GSE1: variants seen among roughly 807,000 people sequenced by gnomAD.
GSE1 encodes the protein genetic suppressor element 1.
GSE1 carries 32 observed loss-of-function variants against 112.6 expected under a neutral mutation model. The ratio of observed to expected loss-of-function variants is 0.28; its 90% CI spans 0.21 to 0.38. GSE1 has a LOEUF of 0.38. GSE1 is among the 10% of genes least tolerant of loss of function. GSE1 has a pLI of 1.00. For missense variants in GSE1, 2,348 were observed against 1,699.2 expected (o/e 1.38, Z -6.71); for synonymous variants, 1,115 against 735.6 (o/e 1.52, Z -8.35).
chr16:85,571,459 A>G (rs2045975823), intron 1 of GSE1, among the ~76,000 whole-genome samples: 1 of 152,258 alleles, frequency 6.6e-6, no homozygotes, highest in Non-Finnish European at 1.5e-5. Context: ...GATAGAGAGC[A>G]TTTCCATTGT....
At chr16:85,202,399 G>C (rs1017961877) in intron 1 of GSE1, among the ~76,000 whole-genome samples, 1 of 152,244 alleles carries the variant, frequency 6.6e-6, no homozygotes, top group Non-Finnish European at 1.5e-5. Context: ...TGGAACAAGC[G>C]GCCTGGCTTG....
intron 2 of GSE1, among the ~76,000 whole-genome samples, chr16:85,455,370 T>G (rs1390247788): frequency 2.7e-5 from 4 of 148,570 alleles, no homozygotes; most frequent in African/African-American, 1.0e-4. Flanking sequence ...GAGCAAGACC[T>G]GGCATTACAA....
intron 2 of GSE1, among the ~76,000 whole-genome samples, chr16:85,375,521 C>T (rs1387202414): frequency 3.3e-5 from 5 of 152,320 alleles, no homozygotes; most frequent in Middle Eastern, 6.8e-3. Flanking sequence ...GCAGGGCAGC[C>T]GGATGCCAAG....
chr16:85,598,302 C>G (rs1033404049), intron 1 of GSE1, among the ~76,000 whole-genome samples: 2 of 151,744 alleles, frequency 1.3e-5, no homozygotes, highest in African/African-American at 4.8e-5. Flanking sequence ...TTTGCCAGCA[C>G]CCAGCTGCGC....
Position 85,269,985 on chromosome 16 carries a change from G to C in GSE1, c.2284-87478G>C, listed in dbSNP as rs1418293081. On this transcript the variant is annotated intron_variant, in intron 1 of 2. Transcript: ENST00000637419. ...TTGCAGGTTTGAAGACTGAGGCTGA[G>C]AGAAGGTGAGTGATGTGCCTGAGGC... Among the ~76,000 whole-genome samples, 4 of 149,550 alleles carry C rather than the reference G, an allele frequency of 2.7e-5. 1 individual carries two copies. The highest frequency in any genetic ancestry group is 6.0e-5 in the Non-Finnish European group (4 of 66,374).
chr16:85,213,787 T>C (rs562764402), intron 1 of GSE1, among the ~76,000 whole-genome samples: 27 of 152,302 alleles, frequency 1.8e-4, no homozygotes, highest in African/African-American at 6.0e-4. Context: ...GTGAAGAACA[T>C]TGAAGGCCCC....
intron 1 of GSE1, among the ~76,000 whole-genome samples, chr16:85,202,793 C>G (rs1464889105): frequency 6.6e-6 from 1 of 152,224 alleles, no homozygotes; most frequent in East Asian, 1.9e-4. Context: ...TGCTGTGCTT[C>G]CAGGCCCAGC....
chr16:85,273,227 G>A (rs1182730046), intron 1 of GSE1, among the ~76,000 whole-genome samples: 1 of 152,268 alleles, frequency 6.6e-6, no homozygotes, highest in African/African-American at 2.4e-5. Context: ...GGTGGGGGAA[G>A]ATTGAAAACA....
At chr16:85,589,295 G>T (rs747714223) in intron 1 of GSE1, among the ~76,000 whole-genome samples, 2 of 152,196 alleles carry the variant, frequency 1.3e-5, no homozygotes, top group Non-Finnish European at 1.5e-5. Flanking sequence ...TTCTAGGTCG[G>T]GCAGGGCCCT....
chr16:85,293,657 C>T (rs1258342129), intron 1 of GSE1, among the ~76,000 whole-genome samples: 5 of 152,238 alleles, frequency 3.3e-5, no homozygotes, highest in African/African-American at 9.6e-5. Flanking sequence ...CGGCTTCCTT[C>T]TGCTGGAGCT....
Position 85,655,887 on chromosome 16 carries a change from C to T in GSE1, c.959C>T (p.Ser320Leu). The change falls in exon 6 of 16, where the codon TCG (serine) becomes TTG (leucine). Residue 320 changes from serine to leucine, a missense_variant. Ser to Leu is a moderately radical substitution (Grantham distance 145). Coordinates refer to ENST00000253458, the MANE Select transcript of GSE1 (RefSeq NM_014615.5). ...LSHSSLAALH[S>L]ERMSGLSAER... is the part of the protein sequence containing the mutation. The stretch of plus-strand genomic sequence containing the variant: ...CACTCATCCCTGGCAGCGCTGCACT[C>T]GGAGCGCATGTCTGGCCTCAGCGCG... 1.0e-5 allele frequency: 16 copies of T among 1,606,442 alleles called. No individual in the cohort carries two copies. The highest frequency in any genetic ancestry group is 2.2e-5 in the South Asian group (2 of 91,054).
chr16:85,661,779 CG>C lies in GSE1; in HGVS notation c.2260+17del. On this transcript the variant is annotated intron_variant, in intron 9 of 15. Transcript: ENST00000253458. Reference sequence around the variant, plus strand: ...CCCAGGAGAAAGGTCTGCCTCCCCGCGGGCCCCGAGCTGCTCAGGGAGAGCC... The same window carrying C: ...CCCAGGAGAAAGGTCTGCCTCCCCGCGGCCCCGAGCTGCTCAGGGAGAGCC... 1 of 1,492,280 alleles carries C rather than the reference CG, an allele frequency of 6.7e-7. No homozygotes were observed. Among genetic ancestry groups the C allele is most frequent in the Non-Finnish European group, 9.0e-7 (1 of 1,116,194 alleles). 92.4% of individuals were successfully genotyped at this position (1,492,280 alleles called of 1,614,324 possible). A position where few individuals can be genotyped will look rare whatever the true frequency, so the allele number is the denominator to read the frequency against.
intron 2 of GSE1, among the ~76,000 whole-genome samples, chr16:85,444,856 C>A (rs1405754996): frequency 6.6e-6 from 1 of 152,136 alleles, no homozygotes; most frequent in Non-Finnish European, 1.5e-5. Flanking sequence ...ACTGTGGGAG[C>A]AGAAGCTCAG....
chr16:85,666,311 C>T lies in GSE1; in HGVS notation c.3094C>T (p.Leu1032=), dbSNP rs1205151343. 1.2e-6 allele frequency: 2 copies of T among 1,613,762 alleles called. No homozygotes were observed. Among genetic ancestry groups the T allele is most frequent in the African/African-American group, 1.3e-5 (1 of 74,946 alleles). Residue 1032 remains leucine, a synonymous_variant, in exon 13 of 16, where the codon CTG becomes TTG. Transcript: ENST00000253458. ...TGCACATCAGTTCCACGAGTCAGTGCTGCAGTCCACCCAGAAGGCCCTGCA... is the reference window on the plus strand; with the variant it reads ...TGCACATCAGTTCCACGAGTCAGTGTTGCAGTCCACCCAGAAGGCCCTGCA... ...EFAHQFHESV[L]QSTQKALQKH... is the part of the protein sequence containing the mutation.
intron 1 of GSE1, among the ~76,000 whole-genome samples, chr16:85,572,464 A>ACCAC (rs1555535357): frequency 6.7e-6 from 1 of 148,182 alleles, no homozygotes; most frequent in African/African-American, 2.5e-5. Context: ...CCACACACAC[A>ACCAC]ACACACATCA....
intron 1 of GSE1, among the ~76,000 whole-genome samples, chr16:85,586,384 G>A (rs1242071829): frequency 6.6e-6 from 1 of 152,198 alleles, no homozygotes; most frequent in Non-Finnish European, 1.5e-5. Context: ...GTTCCCGAGT[G>A]CCGAGTGCCG....
At chr16:85,438,080 C>T (rs938091162) in intron 2 of GSE1, among the ~76,000 whole-genome samples, 1 of 152,188 alleles carries the variant, frequency 6.6e-6, no homozygotes, top group Admixed American at 6.5e-5. Context: ...GTTCTGTTCT[C>T]AGCACCCCAG....
chr16:85,618,997 C>A (rs1034574770), intron 1 of GSE1, among the ~76,000 whole-genome samples: 1 of 152,232 alleles, frequency 6.6e-6, no homozygotes, highest in Non-Finnish European at 1.5e-5. Flanking sequence ...AGGCTCTGTT[C>A]CCCTACGCTC....
chr16:85,221,758 G>A (rs2075397464), intron 1 of GSE1, among the ~76,000 whole-genome samples: 2 of 152,186 alleles, frequency 1.3e-5, no homozygotes, highest in South Asian at 4.1e-4. Flanking sequence ...AGGCAGGTGG[G>A]GGCTCGGCCC....
Sources: allele counts gnomAD v4.1 joint callset (sites outside exome capture counted in the v4.1 genomes callset), GRCh38; gene constraint gnomAD v4.1.1; transcripts MANE v1.5; gene names NCBI Gene and HGNC (gene_info 2026-07-23, HGNC 2026-07-21).